The following ELAVL4 variants were observed in gnomAD, a reference collection of about 807,000 sequenced individuals.
ELAVL4 encodes the protein ELAV like RNA binding protein 4.
Under a neutral mutation model 35.6 loss-of-function variants are expected in ELAVL4, and 1 was observed. The ratio of observed to expected loss-of-function variants is 0.03; its 90% CI spans 0.01 to 0.13. The LOEUF is 0.13. Ranked by LOEUF, ELAVL4 falls within the 10% of genes least tolerant of loss-of-function variation. The pLI is 1.00. For synonymous variants in ELAVL4, 156 were observed against 171.0 expected, an observed-to-expected ratio of 0.91 and a Z score of 0.69; for missense variants, 267 against 464.9, an observed-to-expected ratio of 0.57 and a Z score of 3.91.
intron 2 of ELAVL4, among the ~76,000 whole-genome samples, chr1:50,164,143 A>G (rs1244341889): frequency 2.0e-5 from 3 of 152,188 alleles, no homozygotes; most frequent in African/African-American, 7.2e-5. Context: ...CTCAAAAAAT[A>G]TTTGCTATTA....
chr1:50,191,211 C>T (rs934808263), intron 3 of ELAVL4, among the ~76,000 whole-genome samples: 11 of 152,156 alleles, frequency 7.2e-5, no homozygotes, highest in Admixed American at 1.3e-4. Flanking sequence ...GCTGTGTTGC[C>T]AACACATACC....
intron 4 of ELAVL4, among the ~76,000 whole-genome samples, chr1:50,194,718 T>A (rs1235674521): frequency 6.6e-6 from 1 of 152,158 alleles, no homozygotes; most frequent in Non-Finnish European, 1.5e-5. Flanking sequence ...CTAGAAGCTG[T>A]CAAGTGCCCC....
intron 4 of ELAVL4, among the ~76,000 whole-genome samples, chr1:50,195,357 T>C (rs576587170): frequency 2.5e-4 from 38 of 152,124 alleles, no homozygotes; most frequent in Non-Finnish European, 4.0e-4. Flanking sequence ...GTTCTGTGGC[T>C]GGGAGGCATC....
At chr1:50,048,117 G>C (rs1663163296) in exon 1 of ELAVL4, 2 of 1,489,828 alleles carry the variant, frequency 1.3e-6, no homozygotes, top group Middle Eastern at 3.5e-4. Flanking sequence ...GCCGCGCTCC[G>C]CCCCACCCAG....
At chr1:50,170,046 ATAT>A (rs2148800818) in intron 2 of ELAVL4, among the ~76,000 whole-genome samples, 1 of 152,296 alleles carries the variant, frequency 6.6e-6, no homozygotes, top group South Asian at 2.1e-4. Flanking sequence ...TGCATGTTAA[ATAT>A]TATATGCTCC....
chr1:50,189,092 C>A (rs1190593862), intron 3 of ELAVL4, among the ~76,000 whole-genome samples: 2 of 152,158 alleles, frequency 1.3e-5, no homozygotes, highest in Non-Finnish European at 2.9e-5. Flanking sequence ...TCTAAAGGAG[C>A]AATTTTCTGG....
chr1:50,184,936 T>C (rs1284171928), intron 3 of ELAVL4, among the ~76,000 whole-genome samples: 1 of 152,200 alleles, frequency 6.6e-6, no homozygotes, highest in African/African-American at 2.4e-5. Flanking sequence ...TATATGGCTA[T>C]TTATATTTGA....
In ELAVL4 at chr1:50,190,476, G is replaced by A. The variant is rs867527445; in HGVS notation, c.355-3289G>A. On this transcript the variant is annotated intron_variant, in intron 3 of 6. Coordinates refer to ENST00000371824, the MANE Select transcript of ELAVL4 (RefSeq NM_001144774.3). ...CATTTTTGTTTATCCATACGCCACA[G>A]GTTTCATGGACAGGAAACTGAGAGA... Among the ~76,000 whole-genome samples, 7 of 152,262 alleles carry A rather than the reference G, an allele frequency of 4.6e-5. No individual in the cohort carries two copies. In the South Asian group the frequency reaches 1.2e-3, roughly 27 times the overall value.
intron 1 of ELAVL4, among the ~76,000 whole-genome samples, chr1:50,081,631 C>A (rs1241501108): frequency 6.6e-6 from 1 of 152,166 alleles, no homozygotes; most frequent in Non-Finnish European, 1.5e-5. Flanking sequence ...TTTATAGAGT[C>A]ATTTACATGC....
intron 1 of ELAVL4, among the ~76,000 whole-genome samples, chr1:50,132,576 G>C (rs753401336): frequency 1.3e-5 from 2 of 152,156 alleles, no homozygotes; most frequent in Non-Finnish European, 2.9e-5. Context: ...CTAATTCACA[G>C]TGATTTAGGT....
At position 50,190,204 on chromosome 1, in the gene ELAVL4, G is replaced by A. The variant is rs142789093; in HGVS notation, c.355-3561G>A. 4.1e-4 allele frequency among the ~76,000 whole-genome samples: 62 copies of A among 152,294 alleles called. 2 individuals carry two copies. In the East Asian group the frequency reaches 0.01, roughly 26 times the overall value. On this transcript the variant is annotated intron_variant, in intron 3 of 6. Coordinates refer to ENST00000371824, the MANE Select transcript of ELAVL4 (RefSeq NM_001144774.3). ...AACAGGATCCTGACTGAGGCAAGGG[G>A]GGTTCTCCAGGGCGCTGGCTCCAGT...
At position 50,134,776 on chromosome 1, in the gene ELAVL4, G is replaced by A. The variant is rs540057604; in HGVS notation, c.10-10181G>A. Among the ~76,000 whole-genome samples the A allele has an allele frequency of 2.4e-4, 37 of 152,238 alleles. 1 individual carries two copies. The South Asian group carries it at 7.5e-3, about 31-fold the overall frequency. ...TCTTTATAATGTGCTGAATGATCAA[G>A]CTGTCCCTCAGCTATGGAGAGTTTG... On this transcript the variant is annotated intron_variant, in intron 1 of 6. Transcript: ENST00000371824.
upstream of ELAVL4, chr1:50,106,262 G>C: frequency 6.3e-7 from 1 of 1,575,630 alleles, no homozygotes; most frequent in Non-Finnish European, 8.7e-7. Flanking sequence ...TGGGAAAGCT[G>C]GCTGCCGGCG....
chr1:50,113,605 A>G (rs1229754730), intron 1 of ELAVL4, among the ~76,000 whole-genome samples: 1 of 152,108 alleles, frequency 6.6e-6, no homozygotes, highest in African/African-American at 2.4e-5. Context: ...AAATGCTGCA[A>G]TGCAGTATTT....
At chr1:50,159,539 G>A (rs1457242432) in intron 2 of ELAVL4, among the ~76,000 whole-genome samples, 1 of 152,058 alleles carries the variant, frequency 6.6e-6, no homozygotes, top group Non-Finnish European at 1.5e-5. Flanking sequence ...AACCTGAGAG[G>A]CGGAGGTTGC....
chr1:50,196,521 C>T (rs1389956530), intron 5 of ELAVL4, among the ~76,000 whole-genome samples: 1 of 152,206 alleles, frequency 6.6e-6, no homozygotes, highest in Non-Finnish European at 1.5e-5. Context: ...CTTTATTCCA[C>T]ACCACAGCCC....
At chr1:50,103,691 G>T (rs1227936560), upstream of ELAVL4, among the ~76,000 whole-genome samples, 2 of 152,146 alleles carry the variant, frequency 1.3e-5, no homozygotes, top group Admixed American at 6.5e-5. Flanking sequence ...TCATATTAGG[G>T]CAGAGCACAT....
At chr1:50,050,240 T>C (rs1663284995) in intron 1 of ELAVL4, among the ~76,000 whole-genome samples, 1 of 152,238 alleles carries the variant, frequency 6.6e-6, no homozygotes, top group South Asian at 2.1e-4. Context: ...TAAATACTGC[T>C]ATTATCAACC....
intron 2 of ELAVL4, among the ~76,000 whole-genome samples, chr1:50,172,375 T>C (rs1679170938): frequency 1.3e-5 from 2 of 152,222 alleles, no homozygotes; most frequent in African/African-American, 4.8e-5. Flanking sequence ...AAGCCTCTGA[T>C]ACATTTCAGG....
Sources: gnomAD v4.1 joint callset for allele counts (sites outside exome capture counted in the v4.1 genomes callset) on GRCh38, gnomAD v4.1.1 for gene constraint, MANE v1.5 for transcripts, NCBI Gene and HGNC (gene_info 2026-07-23, HGNC 2026-07-21) for gene names.